The following CSMD3 variants were observed in gnomAD, a reference collection of about 807,000 sequenced individuals.
The protein encoded by CSMD3 is CUB and sushi domain-containing protein 3.
A neutral mutation model predicts 435.2 loss-of-function variants in CSMD3; 177 were observed. The observed-to-expected ratio is 0.41, with a 90% CI of 0.36 to 0.46. The LOEUF (loss-of-function observed/expected upper bound fraction) is 0.46. CSMD3 is among the 20% of genes least tolerant of loss of function. CSMD3 has a pLI of 0.34. For missense variants in CSMD3, 4,265 were observed against 4,504.6 expected, an observed-to-expected ratio of 0.95 and a Z score of 1.52; for synonymous variants, 1,656 against 1,520.5, an observed-to-expected ratio of 1.09 and a Z score of -2.07.
At chr8:112,534,424 A>T (rs974890257) in intron 27 of CSMD3, among the ~76,000 whole-genome samples, 3 of 152,202 alleles carry the variant, frequency 2.0e-5, no homozygotes, top group Non-Finnish European at 1.5e-5. Context: ...AAACTAGAAA[A>T]TCTAGAAGAA....
At chr8:112,863,285 C>T (rs986448319) in intron 10 of CSMD3, among the ~76,000 whole-genome samples, 1 of 151,782 alleles carries the variant, frequency 6.6e-6, no homozygotes, top group Non-Finnish European at 1.5e-5. Flanking sequence ...GATTGAAATA[C>T]AACCTTTATT....
At chr8:112,364,938 T>A (rs547370176) in intron 38 of CSMD3, among the ~76,000 whole-genome samples, 1 of 152,204 alleles carries the variant, frequency 6.6e-6, no homozygotes, top group African/African-American at 2.4e-5. Flanking sequence ...GAGAAAAATT[T>A]GGGGTAAATT....
intron 12 of CSMD3, among the ~76,000 whole-genome samples, chr8:112,807,956 G>A (rs1199331023): frequency 6.6e-6 from 1 of 152,094 alleles, no homozygotes; most frequent in African/African-American, 2.4e-5. Context: ...TTGATTAATA[G>A]TGTGTCATTG....
intron 5 of CSMD3, among the ~76,000 whole-genome samples, chr8:113,056,899 T>C (rs1295297661): frequency 6.6e-6 from 1 of 152,194 alleles, no homozygotes; most frequent in African/African-American, 2.4e-5. Flanking sequence ...TTACATAGCC[T>C]GGAAATTCTG....
intron 10 of CSMD3, among the ~76,000 whole-genome samples, chr8:112,904,281 A>T (rs2082192859): frequency 6.6e-6 from 1 of 151,610 alleles, no homozygotes; most frequent in Admixed American, 6.6e-5. Flanking sequence ...AGTGAATGTT[A>T]AAAGTTCTTA....
rs1488198882 is a variant in CSMD3 at position 112,517,016 on chromosome 8, TTG to T, written c.4756+16_4756+17del. 6.3e-7 allele frequency: 1 copy of T among 1,591,284 alleles called. No homozygotes were observed. The highest frequency in any genetic ancestry group is 1.7e-5 in the Admixed American group (1 of 59,894). ...GTTTTATGTTTATATAAAATTTTAA[TTG>T]TTCTTTAATTCATACCTATACAGAC... On this transcript the variant is annotated intron_variant, in intron 28 of 70. Coordinates refer to ENST00000297405, the MANE Select transcript of CSMD3 (RefSeq NM_198123.2).
intron 32 of CSMD3, among the ~76,000 whole-genome samples, chr8:112,459,530 T>G (rs1817230819): frequency 6.6e-6 from 1 of 152,152 alleles, no homozygotes. Flanking sequence ...TCAGTACATG[T>G]AAATGTTTCA....
intron 2 of CSMD3, among the ~76,000 whole-genome samples, chr8:113,289,524 A>G (rs923287527): frequency 6.8e-6 from 1 of 147,534 alleles, no homozygotes; most frequent in African/African-American, 2.5e-5. Flanking sequence ...ATTGATGAAG[A>G]TTCTCAATTA....
At chr8:112,287,374 G>T in intron 57 of CSMD3, 128 bp from the exon 58 acceptor site, 1 of 798,206 alleles carries the variant, frequency 1.3e-6, no homozygotes, top group Non-Finnish European at 2.1e-6. Context: ...GAGTAAAATT[G>T]TAATTCATAT....
At chr8:112,982,336 T>G (rs2085083910) in intron 6 of CSMD3, among the ~76,000 whole-genome samples, 1 of 151,940 alleles carries the variant, frequency 6.6e-6, no homozygotes, top group Non-Finnish European at 1.5e-5. Flanking sequence ...GACCTAGGTT[T>G]TAAAAGAAGA....
rs151112032 is a variant in CSMD3 at position 113,087,263 on chromosome 8, G to A, written c.917+11493C>T. On this transcript the variant is annotated intron_variant, in intron 5 of 70. Transcript: ENST00000297405. Reference sequence around the variant, plus strand: ...AACTTGGGTAGGAAGAATCAATATCGTGAAAATGGCCATATTGCCCAAGGT... The same window carrying A: ...AACTTGGGTAGGAAGAATCAATATCATGAAAATGGCCATATTGCCCAAGGT... Among the ~76,000 whole-genome samples the A allele has an allele frequency of 7.8e-3, 1,183 of 152,082 alleles. 19 individuals are homozygous for A. The highest frequency in any genetic ancestry group is 0.027 in the African/African-American group (1,132 of 41,478).
At chr8:112,649,030 A>G (rs1419711239) in intron 19 of CSMD3, among the ~76,000 whole-genome samples, 1 of 152,218 alleles carries the variant, frequency 6.6e-6, no homozygotes, top group African/African-American at 2.4e-5. Flanking sequence ...ATACAGGGCT[A>G]TCAACTTCCA....
intron 57 of CSMD3, 65 bp downstream of exon 57, chr8:112,289,300 T>C: frequency 2.4e-6 from 3 of 1,275,328 alleles, no homozygotes; most frequent in Admixed American, 1.7e-5. Context: ...GTGTATACGT[T>C]GCTACTACTA....
intron 1 of CSMD3, among the ~76,000 whole-genome samples, chr8:113,366,977 C>T (rs1396796230): frequency 1.3e-5 from 2 of 151,854 alleles, no homozygotes; most frequent in African/African-American, 4.8e-5. Context: ...TCCCTTTAAA[C>T]TAAGTTTTTA....
At chr8:112,953,766 T>A (rs1276783396) in intron 8 of CSMD3, among the ~76,000 whole-genome samples, 1 of 151,438 alleles carries the variant, frequency 6.6e-6, no homozygotes, top group East Asian at 1.9e-4. Context: ...AATAAATGAT[T>A]TTTGTTAAAG....
intron 17 of CSMD3, among the ~76,000 whole-genome samples, chr8:112,660,358 T>C (rs2075351883): frequency 6.6e-6 from 1 of 152,188 alleles, no homozygotes; most frequent in Non-Finnish European, 1.5e-5. Flanking sequence ...CCCTAATGGA[T>C]AAAATTCACT....
chr8:112,553,321 G>A (rs1748528489), intron 25 of CSMD3, among the ~76,000 whole-genome samples: 1 of 151,956 alleles, frequency 6.6e-6, no homozygotes, highest in Non-Finnish European at 1.5e-5. Flanking sequence ...CTAAGAATGT[G>A]AGTATCGTCA....
At chr8:113,146,707 T>C (rs972753508) in intron 4 of CSMD3, among the ~76,000 whole-genome samples, 3 of 151,544 alleles carry the variant, frequency 2.0e-5, no homozygotes, top group African/African-American at 2.4e-5. Flanking sequence ...TAAAAACATA[T>C]ATTGCAGCCA....
At chr8:112,695,462 G>A (rs369655181) in intron 13 of CSMD3, among the ~76,000 whole-genome samples, 1 of 152,060 alleles carries the variant, frequency 6.6e-6, no homozygotes, top group South Asian at 2.1e-4. Context: ...AGCATATAAA[G>A]AGAACCAAAG....
Sources: gnomAD v4.1 joint callset for allele counts (sites outside exome capture counted in the v4.1 genomes callset) on GRCh38, gnomAD v4.1.1 for gene constraint, MANE v1.5 for transcripts, NCBI Gene and HGNC (gene_info 2026-07-23, HGNC 2026-07-21) for gene names.